BCL2L14: variants seen among roughly 807,000 people sequenced by gnomAD.
BCL2L14 encodes the protein apoptosis facilitator Bcl-2-like protein 14.
A neutral mutation model predicts 35.3 loss-of-function variants in BCL2L14; 27 were observed. That is an observed-to-expected ratio of 0.76 (90% CI 0.56 to 1.05). BCL2L14 has a LOEUF of 1.05. Ranked by LOEUF, BCL2L14 falls within the 50% of genes least tolerant of loss-of-function variation. The probability of loss-of-function intolerance (pLI) is 0.00; values close to 1 mark genes in which losing one functional copy is unlikely to be tolerated. For missense variants in BCL2L14, 377 were observed against 382.6 expected (o/e 0.99, Z 0.12); for synonymous variants, 139 against 145.9 (o/e 0.95, Z 0.34).
chr12:12,098,409 T>C (rs1425439072), intron 5 of BCL2L14, among the ~76,000 whole-genome samples: 1 of 152,194 alleles, frequency 6.6e-6, no homozygotes, highest in Non-Finnish European at 1.5e-5. Context: ...TAATCTCCCA[T>C]AGCTCCCATT....
chr12:12,095,071 T>A, intron 5 of BCL2L14, 141 bp downstream of exon 5: 1 of 1,446,630 alleles, frequency 6.9e-7, no homozygotes. Flanking sequence ...CAGAGATAGA[T>A]CCCATTGATG....
intron 2 of BCL2L14, among the ~76,000 whole-genome samples, chr12:12,061,921 G>A (rs1241319301): frequency 6.6e-6 from 1 of 152,096 alleles, no homozygotes; most frequent in African/African-American, 2.4e-5. Context: ...TCCTTCCTAG[G>A]CATGGTTAGT....
rs1797653 is a variant in BCL2L14, at chr12:12,086,099, C to T, written c.434-1114C>T. Among the ~76,000 whole-genome samples, 217 of 151,926 alleles carry T rather than the reference C, an allele frequency of 1.4e-3. 1 individual carries two copies. Among genetic ancestry groups the T allele is most frequent in the African/African-American group, 4.6e-3 (191 of 41,446 alleles). ...GAGGCTGATGTGGGAGGATTGCTTG[C>T]GCTTAGGAGTTCAAGAACAACCTGG... On this transcript the variant is annotated intron_variant, in intron 2 of 5. Transcript: ENST00000308721.
chr12:12,094,817 G>C lies in BCL2L14; in HGVS notation c.832G>C (p.Val278Leu), dbSNP rs147550863. 1 of 1,614,180 alleles carries C rather than the reference G, an allele frequency of 6.2e-7. No individual in the cohort carries two copies. The highest frequency in any genetic ancestry group is 1.6e-4 in the Middle Eastern group (1 of 6,062). ...CTTTAAGGCTGCCCTTGTAATAGAC[G>C]TCACGGCCAAGCTCACAGCTATTGA... ...QGFKAALVID[V>L]TAKLTAIDNH... Residue 278 changes from valine (V) to leucine (L), a missense_variant, in exon 5 of 6, where the codon GTC becomes CTC. By Grantham distance (32) the Val-to-Leu change is conservative. Transcript: ENST00000308721.
At chr12:12,087,879 C>A (rs1949083214) in intron 3 of BCL2L14, among the ~76,000 whole-genome samples, 1 of 152,132 alleles carries the variant, frequency 6.6e-6, no homozygotes, top group African/African-American at 2.4e-5. Flanking sequence ...CAGTTGTCAC[C>A]CAAACCATAG....
intron 1 of BCL2L14, among the ~76,000 whole-genome samples, chr12:12,074,145 T>C (rs1249594435): frequency 6.6e-6 from 1 of 152,228 alleles, no homozygotes; most frequent in African/African-American, 2.4e-5. Flanking sequence ...GGACATATAC[T>C]AAAAAATTAT....
intron 2 of BCL2L14, among the ~76,000 whole-genome samples, chr12:12,086,919 C>G (rs1949057535): frequency 6.6e-6 from 1 of 152,162 alleles, no homozygotes; most frequent in African/African-American, 2.4e-5. Flanking sequence ...CTTTTTGTGT[C>G]TCTTCCCTTG....
rs771089400 is a variant in BCL2L14, at chr12:12,094,527, C to A, written c.679-137C>A. The A allele has an allele frequency of 3.1e-6, 5 of 1,614,208 alleles. No individual in the cohort carries two copies. The South Asian group carries it at 4.4e-5, about 14-fold the overall frequency. On this transcript the variant is annotated intron_variant, in intron 4 of 5. Transcript: ENST00000308721. ...GTTCTGCAGGACACTGCCTTCATCC[C>A]CATTCCCTTGGTTGACACCAGCATC... is the stretch of plus-strand genomic sequence containing the variant.
At chr12:12,051,336 T>C (rs1022602116) in intron 1 of BCL2L14, among the ~76,000 whole-genome samples, 6 of 152,218 alleles carry the variant, frequency 3.9e-5, no homozygotes, top group African/African-American at 1.4e-4. Context: ...CTGTAGTCTG[T>C]AGCTACATGG....
chr12:12,094,989 T>C, intron 5 of BCL2L14, 59 bp downstream of exon 5: 1 of 262,346 alleles, frequency 3.8e-6, no homozygotes, highest in Non-Finnish European at 5.9e-6. Flanking sequence ...TGGGATGGAT[T>C]TTTTTTTTTT....
intron 2 of BCL2L14, among the ~76,000 whole-genome samples, chr12:12,056,705 C>T (rs1460632295): frequency 2.6e-5 from 4 of 152,048 alleles, no homozygotes; most frequent in Admixed American, 1.3e-4. Context: ...TGGTGGTAGG[C>T]GCCTGTAATC....
Position 12,099,327 on chromosome 12 carries a change from C to T in BCL2L14, c.*339C>T. On this transcript the variant is annotated 3_prime_UTR_variant, in exon 6 of 6. Transcript: ENST00000308721. ...TGTAGGGAAAGTGCGTTACAGATGTCTGCTGACCTCACAAGAGTGAAAAGA... is the reference window on the plus strand; with the variant it reads ...TGTAGGGAAAGTGCGTTACAGATGTTTGCTGACCTCACAAGAGTGAAAAGA... 3.5e-6 allele frequency: 1 copy of T among 282,996 alleles called. No individual in the cohort carries two copies. The highest frequency in any genetic ancestry group is 6.6e-6 in the Non-Finnish European group (1 of 151,862). 17.5% of individuals were successfully genotyped at this position (282,996 alleles called of 1,614,324 possible).
chr12:12,092,105 C>CA (rs1347048601), intron 4 of BCL2L14, among the ~76,000 whole-genome samples: 1 of 152,180 alleles, frequency 6.6e-6, no homozygotes, highest in African/African-American at 2.4e-5. Context: ...CTTTACAACT[C>CA]AGAGTTTCTG....
intron 2 of BCL2L14, among the ~76,000 whole-genome samples, chr12:12,086,397 C>T (rs1949043406): frequency 6.6e-6 from 1 of 152,212 alleles, no homozygotes; most frequent in South Asian, 2.1e-4. Context: ...AGCAACTCAG[C>T]CATGCCATCT....
chr12:12,084,724 T>A (rs989139827), intron 2 of BCL2L14, among the ~76,000 whole-genome samples: 2 of 152,148 alleles, frequency 1.3e-5, no homozygotes, highest in Non-Finnish European at 2.9e-5. Flanking sequence ...TAACTAGAGC[T>A]AGTGCATCTG....
chr12:12,053,256 G>A (rs1337486522), intron 2 of BCL2L14, among the ~76,000 whole-genome samples: 1 of 152,102 alleles, frequency 6.6e-6, no homozygotes, highest in Non-Finnish European at 1.5e-5. Flanking sequence ...TAAATAACTT[G>A]CCCAAGTCCA....
intron 2 of BCL2L14, chr12:12,055,296 C>G (rs1466077147): frequency 6.6e-6 from 1 of 152,212 alleles, no homozygotes. Context: ...ACATGCATCT[C>G]ATGACATCGT....
intron 2 of BCL2L14, chr12:12,054,855 G>A (rs1348629744): frequency 3.3e-5 from 5 of 151,666 alleles, no homozygotes; most frequent in Non-Finnish European, 7.3e-5. Flanking sequence ...GGCTGAGGCA[G>A]GAGAATCGCT....
rs200195778 is a variant in BCL2L14 at position 12,079,760 on chromosome 12, C to T, written c.433+22C>T. The T allele has an allele frequency of 6.7e-5, 108 of 1,601,268 alleles. 2 individuals are homozygous for T. The East Asian group carries it at 2.3e-3, about 34-fold the overall frequency. On this transcript the variant is annotated intron_variant, in intron 2 of 5. Transcript: ENST00000308721. ...GAAGGTAGGCATCTGGGATTTCTTTCTCTCCCGCTTCCTGGTTTTTCCCTT... is the reference window on the plus strand; with the variant it reads ...GAAGGTAGGCATCTGGGATTTCTTTTTCTCCCGCTTCCTGGTTTTTCCCTT...
Sources: allele counts gnomAD v4.1 joint callset (sites outside exome capture counted in the v4.1 genomes callset), GRCh38; gene constraint gnomAD v4.1.1; transcripts MANE v1.5; gene names NCBI Gene and HGNC (gene_info 2026-07-23, HGNC 2026-07-21).